Variants in ADAMTSL2 observed in about 807,000 individuals in gnomAD.
ADAMTSL2 encodes ADAMTS-like protein 2.
A neutral mutation model predicts 117.0 loss-of-function variants in ADAMTSL2; 55 were observed. The ratio of observed to expected loss-of-function variants is 0.47; its 90% CI spans 0.38 to 0.59. The LOEUF is 0.59. Among genes scored for constraint, ADAMTSL2 ranks in the 20% least tolerant of loss-of-function variants. ADAMTSL2 has a pLI of 0.00. For synonymous variants in ADAMTSL2, 572 were observed against 566.4 expected (o/e 1.01, Z -0.14); for missense variants, 1,182 against 1,354.5 (o/e 0.87, Z 2.00).
chr9:133,559,588 G>GT (rs1830682538), intron 11 of ADAMTSL2, among the ~76,000 whole-genome samples: 1 of 150,254 alleles, frequency 6.7e-6, no homozygotes, highest in African/African-American at 2.5e-5. Flanking sequence ...TCCTGACCTC[G>GT]TGATCCACCC....
intron 13 of ADAMTSL2, among the ~76,000 whole-genome samples, chr9:133,567,392 C>G (rs1830999512): frequency 6.6e-6 from 1 of 152,342 alleles, no homozygotes; most frequent in Non-Finnish European, 1.5e-5. Context: ...TTTTTATAAA[C>G]TCAAGGGATT....
intron 18 of ADAMTSL2, 72 bp from the exon 19 acceptor site, chr9:133,574,674 G>C: frequency 3.7e-6 from 5 of 1,342,400 alleles, no homozygotes; most frequent in Non-Finnish European, 5.4e-6. Context: ...ACGGCACGTG[G>C]GGGTCCCTGG....
At chr9:133,570,031 C>T (rs906147338) in intron 16 of ADAMTSL2, among the ~76,000 whole-genome samples, 3 of 152,364 alleles carry the variant, frequency 2.0e-5, no homozygotes, top group Middle Eastern at 3.4e-3. Flanking sequence ...GTCACTAAAC[C>T]GGATAATCTC....
intron 1 of ADAMTSL2, among the ~76,000 whole-genome samples, chr9:133,535,764 G>A (rs979395941): frequency 2.6e-5 from 4 of 152,272 alleles, no homozygotes; most frequent in Middle Eastern, 3.4e-3. Context: ...TCGCTGGCAA[G>A]TGACCCTCAG....
At chr9:133,542,199 G>T (rs1342597186) in intron 7 of ADAMTSL2, among the ~76,000 whole-genome samples, 1 of 152,248 alleles carries the variant, frequency 6.6e-6, no homozygotes, top group East Asian at 1.9e-4. Context: ...GCACTGGAGA[G>T]GGTGGGGCTT....
intron 8 of ADAMTSL2, among the ~76,000 whole-genome samples, chr9:133,546,442 C>T (rs1006398203): frequency 4.6e-5 from 7 of 151,988 alleles, no homozygotes; most frequent in South Asian, 2.1e-4. Context: ...TGATTGAGCA[C>T]CTCGGCCAGG....
At chr9:133,550,241 C>T (rs1830452160) in intron 9 of ADAMTSL2, among the ~76,000 whole-genome samples, 2 of 152,234 alleles carry the variant, frequency 1.3e-5, no homozygotes. Context: ...GGAAAAACGG[C>T]AGTGAAGGAA....
At chr9:133,553,842 G>A (rs1372542823) in intron 9 of ADAMTSL2, among the ~76,000 whole-genome samples, 2 of 152,232 alleles carry the variant, frequency 1.3e-5, no homozygotes, top group African/African-American at 4.8e-5. Flanking sequence ...ATCCCACAGG[G>A]AGCCCTGGAG....
chr9:133,533,083 G>C (rs563714021), upstream of ADAMTSL2, among the ~76,000 whole-genome samples: 1 of 152,306 alleles, frequency 6.6e-6, no homozygotes, highest in East Asian at 1.9e-4. Context: ...GCGGTCACCA[G>C]AAGAGAGAGG....
intron 12 of ADAMTSL2, among the ~76,000 whole-genome samples, chr9:133,562,170 G>T (rs1345967303): frequency 6.6e-6 from 1 of 152,240 alleles, no homozygotes; most frequent in African/African-American, 2.4e-5. Flanking sequence ...GGCCAGTGAG[G>T]ATTCCACACA....
chr9:133,547,470 T>C (rs1465532622), intron 9 of ADAMTSL2, among the ~76,000 whole-genome samples: 1 of 152,248 alleles, frequency 6.6e-6, no homozygotes, highest in Non-Finnish European at 1.5e-5. Flanking sequence ...CATTCACTCA[T>C]CAGTTCATTA....
chr9:133,551,418 G>A (rs190523276), intron 9 of ADAMTSL2, among the ~76,000 whole-genome samples: 20 of 152,288 alleles, frequency 1.3e-4, no homozygotes, highest in Admixed American at 8.5e-4. Context: ...CCCTGGGTGT[G>A]CCTAGTCCTG....
At chr9:133,541,669 G>C (rs2131103977) in intron 7 of ADAMTSL2, among the ~76,000 whole-genome samples, 1 of 152,314 alleles carries the variant, frequency 6.6e-6, no homozygotes, top group East Asian at 1.9e-4. Flanking sequence ...CTGGCACGCT[G>C]GATTCTGGGG....
At chr9:133,533,162 C>CGT (rs1829975774), upstream of ADAMTSL2, among the ~76,000 whole-genome samples, 1 of 98,300 alleles carries the variant, frequency 1.0e-5, no homozygotes, top group South Asian at 3.9e-4. Flanking sequence ...TGTGTGTGTG[C>CGT]CTGTGTGTGT....
At chr9:133,564,549 G>A (rs952958612) in intron 12 of ADAMTSL2, among the ~76,000 whole-genome samples, 13 of 45,740 alleles carry the variant, frequency 2.8e-4, no homozygotes, top group East Asian at 8.1e-4. Flanking sequence ...AGGGAGAGAG[G>A]GAGAGGGAGA....
intron 17 of ADAMTSL2, among the ~76,000 whole-genome samples, chr9:133,572,956 C>T (rs1180360543): frequency 6.6e-6 from 1 of 152,248 alleles, no homozygotes; most frequent in Non-Finnish European, 1.5e-5. Context: ...TGATTGTCCT[C>T]ACGCCGTCAG....
intron 12 of ADAMTSL2, 130 bp downstream of exon 12, chr9:133,561,425 C>A: frequency 1.2e-6 from 1 of 817,126 alleles, no homozygotes; most frequent in Non-Finnish European, 2.0e-6. Context: ...TCCGTGGCCT[C>A]CTGACTTGGG....
At chr9:133,563,828 AG>A (rs1830810212) in intron 12 of ADAMTSL2, among the ~76,000 whole-genome samples, 1 of 85,532 alleles carries the variant, frequency 1.2e-5, no homozygotes, top group Non-Finnish European at 2.5e-5. Context: ...GGAGAGAGAG[AG>A]AGAGAGAGAG....
chr9:133,568,903 A>G (rs1831040328), intron 15 of ADAMTSL2, 145 bp downstream of exon 15: 9 of 1,128,384 alleles, frequency 8.0e-6, no homozygotes, highest in Non-Finnish European at 9.0e-6. Flanking sequence ...ATGTTATTAT[A>G]GGAATCAAAA....
Sources: allele counts gnomAD v4.1 joint callset (sites outside exome capture counted in the v4.1 genomes callset), GRCh38; gene constraint gnomAD v4.1.1; transcripts MANE v1.5; gene names NCBI Gene and HGNC (gene_info 2026-07-23, HGNC 2026-07-21).